PGGT1B: variants seen among roughly 807,000 people sequenced by gnomAD.
PGGT1B encodes protein geranylgeranyltransferase type I subunit beta, also known as geranylgeranyl transferase type-1 subunit beta.
A neutral mutation model predicts 46.1 loss-of-function variants in PGGT1B; 30 were observed. That is an observed-to-expected ratio of 0.65 (90% CI 0.49 to 0.88). The LOEUF is 0.88. Ranked by LOEUF, PGGT1B falls within the 40% of genes least tolerant of loss-of-function variation. The pLI, the probability that PGGT1B is intolerant of heterozygous loss-of-function variation, is 0.00. For missense variants in PGGT1B, 376 were observed against 455.9 expected (o/e 0.82, Z 1.60); for synonymous variants, 170 against 160.0 (o/e 1.06, Z -0.47).
rs189462479 is a variant in PGGT1B at position 115,205,973 on chromosome 5, G to A, written c.*6429C>T. 6.6e-6 allele frequency: 1 copy of A among 151,698 alleles called. No homozygotes were observed. Among genetic ancestry groups the A allele is most frequent in the Non-Finnish European group, 1.5e-5 (1 of 67,874 alleles). 9.4% of individuals were successfully genotyped at this position (151,698 alleles called of 1,614,324 possible). A position where few individuals can be genotyped will look rare whatever the true frequency, so the allele number is the denominator to read the frequency against. On this transcript the variant is annotated 3_prime_UTR_variant, in exon 9 of 9. Coordinates refer to ENST00000419445, the MANE Select transcript of PGGT1B (RefSeq NM_005023.4). ...TCATTTGCCATTAAAATGGTAAAAAGTGCAATTACTTATGCACTGACCTAA... is the reference window on the plus strand; with the variant it reads ...TCATTTGCCATTAAAATGGTAAAAAATGCAATTACTTATGCACTGACCTAA...
At chr5:115,242,992 T>C (rs966585974) in intron 2 of PGGT1B, among the ~76,000 whole-genome samples, 18 of 151,976 alleles carry the variant, frequency 1.2e-4, no homozygotes, top group Non-Finnish European at 1.8e-4. Flanking sequence ...CTAATGGTGA[T>C]TATGATTTCA....
chr5:115,244,555 TAA>T (rs956714967), intron 2 of PGGT1B, among the ~76,000 whole-genome samples: 1 of 129,048 alleles, frequency 7.7e-6, no homozygotes, highest in Non-Finnish European at 1.7e-5. Context: ...AAAAAAAAAA[TAA>T]AAAGTTATCT....
chr5:115,218,417 CATAT>C (rs1179229544), intron 7 of PGGT1B, among the ~76,000 whole-genome samples: 7 of 122,628 alleles, frequency 5.7e-5, no homozygotes, highest in African/African-American at 2.2e-4. Flanking sequence ...ATATATATGT[CATAT>C]ATAACTAATA....
intron 5 of PGGT1B, chr5:115,231,448 T>A (rs1314585701): frequency 6.6e-6 from 1 of 152,406 alleles, no homozygotes; most frequent in Non-Finnish European, 1.5e-5. Context: ...ATGGTAGCCA[T>A]TATTGGGTAC....
At chr5:115,220,391 T>C (rs1449340468) in intron 7 of PGGT1B, among the ~76,000 whole-genome samples, 2 of 151,840 alleles carry the variant, frequency 1.3e-5, no homozygotes, top group East Asian at 1.9e-4. Context: ...ATGAGGTACC[T>C]AGAATAGACA....
chr5:115,226,997 C>T (rs1190638610), intron 6 of PGGT1B, among the ~76,000 whole-genome samples: 2 of 151,952 alleles, frequency 1.3e-5, no homozygotes, highest in South Asian at 2.1e-4. Flanking sequence ...ATATTAGCAA[C>T]GTCCAGAGGT....
At position 115,262,711 on chromosome 5, in the gene PGGT1B, C is replaced by T. The variant is rs1364102130; in HGVS notation, c.140+1G>A. The T allele has an allele frequency of 1.2e-6, 2 of 1,605,740 alleles. No homozygotes were observed. Among genetic ancestry groups the T allele is most frequent in the South Asian group, 1.1e-5 (1 of 89,792 alleles). On this transcript the variant is annotated splice_donor_variant, in intron 1 of 8. Coordinates refer to ENST00000419445, the MANE Select transcript of PGGT1B (RefSeq NM_005023.4). LOFTEE classifies it high-confidence loss of function. Reference sequence around the variant, plus strand: ...GCCTGGCTGACTGTGCCACGAGTTACCTGCTTGTCTCGAGTGAAGAATAGC... The same window carrying T: ...GCCTGGCTGACTGTGCCACGAGTTATCTGCTTGTCTCGAGTGAAGAATAGC...
rs553775792 is a variant in PGGT1B, at chr5:115,237,817, TTTTG to T, written c.479+37_479+40del. The T allele has an allele frequency of 1.5e-4, 228 of 1,568,016 alleles. 2 individuals are homozygous for T. The African/African-American group carries it at 2.8e-3, about 19-fold the overall frequency. Reference sequence around the variant, plus strand: ...TATCCATTTTTTAGTTCCAATATATTTTTGTTTATTACAAAAAAAGTAACAAAGA... The same window carrying T: ...TATCCATTTTTTAGTTCCAATATATTTTTATTACAAAAAAAGTAACAAAGA... On this transcript the variant is annotated intron_variant, in intron 4 of 8. Transcript: ENST00000419445.
chr5:115,204,154 A>G lies in PGGT1B; in HGVS notation c.*8248T>C, dbSNP rs1459371156. The G allele has an allele frequency of 6.6e-6, 1 of 152,208 alleles. No individual in the cohort carries two copies. Among genetic ancestry groups the G allele is most frequent in the East Asian group, 1.9e-4 (1 of 5,200 alleles). 9.4% of individuals were successfully genotyped at this position (152,208 alleles called of 1,614,324 possible). A position where few individuals can be genotyped will look rare whatever the true frequency, so the allele number is the denominator to read the frequency against. On this transcript the variant is annotated 3_prime_UTR_variant, in exon 9 of 9. Transcript: ENST00000419445. ...CTGTTAAGAATCCTATCTTTTTAAAATATAAATTTGCAAATAATCAACTGT... is the reference window on the plus strand; with the variant it reads ...CTGTTAAGAATCCTATCTTTTTAAAGTATAAATTTGCAAATAATCAACTGT...
intron 2 of PGGT1B, among the ~76,000 whole-genome samples, chr5:115,251,938 G>A (rs180847785): frequency 3.3e-5 from 5 of 151,900 alleles, no homozygotes; most frequent in Admixed American, 2.0e-4. Context: ...AAAAACATCC[G>A]GCAAAAAGGG....
In PGGT1B at chr5:115,206,379, G is replaced by A. The variant is rs923906898; in HGVS notation, c.*6023C>T. On this transcript the variant is annotated 3_prime_UTR_variant, in exon 9 of 9. Coordinates refer to ENST00000419445, the MANE Select transcript of PGGT1B (RefSeq NM_005023.4). ...ACCATTTTAAAAAAAGGTTCAAAGTGAAATAAGCTATATATTTTTTAAAAT... is the reference window on the plus strand; with the variant it reads ...ACCATTTTAAAAAAAGGTTCAAAGTAAAATAAGCTATATATTTTTTAAAAT... The A allele has an allele frequency of 1.5e-4, 23 of 151,876 alleles. No homozygotes were observed. The highest frequency in any genetic ancestry group is 2.5e-4 in the Non-Finnish European group (17 of 67,860). 9.4% of individuals were successfully genotyped at this position (151,876 alleles called of 1,614,324 possible). A position where few individuals can be genotyped will look rare whatever the true frequency, so the allele number is the denominator to read the frequency against.
intron 2 of PGGT1B, among the ~76,000 whole-genome samples, chr5:115,241,815 A>C (rs1016816014): frequency 1.3e-5 from 2 of 152,068 alleles, no homozygotes; most frequent in African/African-American, 2.4e-5. Context: ...CAAAAAACAT[A>C]ATTATTTCTA....
chr5:115,262,159 C>G (rs1045630636), intron 1 of PGGT1B, among the ~76,000 whole-genome samples: 2 of 152,200 alleles, frequency 1.3e-5, no homozygotes, highest in African/African-American at 4.8e-5. Context: ...CTCTGCCGCA[C>G]CACACTCTTC....
intron 4 of PGGT1B, among the ~76,000 whole-genome samples, chr5:115,237,385 G>C (rs939070530): frequency 5.3e-5 from 8 of 151,988 alleles, no homozygotes; most frequent in Non-Finnish European, 2.9e-5. Flanking sequence ...CACACTATGT[G>C]AATCACCAAA....
chr5:115,256,737 C>T (rs1748332118), intron 1 of PGGT1B, among the ~76,000 whole-genome samples: 1 of 152,056 alleles, frequency 6.6e-6, no homozygotes, highest in Non-Finnish European at 1.5e-5. Context: ...ACAAAAAACA[C>T]AAAGGAATTT....
At position 115,212,296 on chromosome 5, in the gene PGGT1B, G is replaced by A; in HGVS notation, c.*106C>T. 2 of 1,543,494 alleles carry A rather than the reference G, an allele frequency of 1.3e-6. No homozygotes were observed. Among genetic ancestry groups the A allele is most frequent in the South Asian group, 1.3e-5 (1 of 79,558 alleles). On this transcript the variant is annotated 3_prime_UTR_variant, in exon 9 of 9. Transcript: ENST00000419445. The stretch of plus-strand genomic sequence containing the variant: ...AGTGAAATCAGCAGGAGATTTGATT[G>A]TAAGACTCTACCTTTTAAAAAAAGA...
intron 4 of PGGT1B, among the ~76,000 whole-genome samples, 166 bp downstream of exon 4, chr5:115,237,692 C>G (rs562213169): frequency 1.3e-5 from 2 of 152,040 alleles, no homozygotes; most frequent in African/African-American, 2.4e-5. Flanking sequence ...CAGAGGAAAT[C>G]TGAGGTCACT....
chr5:115,230,393 T>C (rs779364780), intron 6 of PGGT1B, among the ~76,000 whole-genome samples: 10 of 152,096 alleles, frequency 6.6e-5, no homozygotes, highest in Non-Finnish European at 1.3e-4. Context: ...TATCTCCAAA[T>C]GGAAATTTCA....
chr5:115,256,175 G>T (rs1392870765), intron 1 of PGGT1B, among the ~76,000 whole-genome samples: 1 of 152,196 alleles, frequency 6.6e-6, no homozygotes, highest in Non-Finnish European at 1.5e-5. Context: ...TCACAGTGGA[G>T]GAGGGAGTTA....
Sources: allele counts gnomAD v4.1 joint callset (sites outside exome capture counted in the v4.1 genomes callset), GRCh38; gene constraint gnomAD v4.1.1; transcripts MANE v1.5; gene names NCBI Gene and HGNC (gene_info 2026-07-23, HGNC 2026-07-21).